Variants in SUCLG2 observed in about 807,000 individuals in gnomAD.
SUCLG2 encodes succinate--CoA ligase [GDP-forming] subunit beta, mitochondrial.
SUCLG2 carries 42 observed loss-of-function variants against 47.9 expected under a neutral mutation model. The observed-to-expected ratio is 0.88, with a 90% CI of 0.69 to 1.14. SUCLG2 has a LOEUF of 1.14. Among genes scored for constraint, SUCLG2 ranks in the 50% most tolerant of loss-of-function variants. SUCLG2 has a pLI of 0.00. For missense variants in SUCLG2, 571 were observed against 525.9 expected (o/e 1.09, Z -0.84); for synonymous variants, 195 against 197.3 (o/e 0.99, Z 0.10).
At chr3:67,615,545 T>A (rs1392753679) in intron 1 of SUCLG2, among the ~76,000 whole-genome samples, 1 of 150,430 alleles carries the variant, frequency 6.6e-6, no homozygotes, top group South Asian at 2.1e-4. Flanking sequence ...ATCAAGAAAA[T>A]AGAAACTCAA....
intron 2 of SUCLG2, among the ~76,000 whole-genome samples, chr3:67,594,986 C>T (rs940115078): frequency 4.6e-5 from 7 of 152,076 alleles, no homozygotes; most frequent in African/African-American, 1.7e-4. Context: ...AACGATACCC[C>T]CTCCCCACCA....
intron 9 of SUCLG2, among the ~76,000 whole-genome samples, chr3:67,435,272 T>G (rs1371558902): frequency 2.0e-5 from 3 of 152,160 alleles, no homozygotes; most frequent in African/African-American, 7.2e-5. Flanking sequence ...TATTTTCCTT[T>G]TGAACAAAAC....
At chr3:67,552,053 G>A (rs762134720) in intron 2 of SUCLG2, among the ~76,000 whole-genome samples, 3 of 151,390 alleles carry the variant, frequency 2.0e-5, no homozygotes, top group African/African-American at 2.4e-5. Flanking sequence ...AAGAAGCCAC[G>A]CCACCCAGTA....
chr3:67,578,663 G>A (rs868074898), intron 2 of SUCLG2, among the ~76,000 whole-genome samples: 2 of 152,148 alleles, frequency 1.3e-5, no homozygotes, highest in Middle Eastern at 3.2e-3. Flanking sequence ...GGAGATGGGT[G>A]TCTCTAGAGA....
At chr3:67,467,165 T>G (rs538786650) in intron 9 of SUCLG2, among the ~76,000 whole-genome samples, 2 of 152,316 alleles carry the variant, frequency 1.3e-5, no homozygotes, top group East Asian at 3.9e-4. Flanking sequence ...TCTCTACAAC[T>G]TTGTGTTTTC....
chr3:67,564,317 CT>C lies in SUCLG2; in HGVS notation c.227-35132del, dbSNP rs763242405. Among the ~76,000 whole-genome samples the C allele has an allele frequency of 3.7e-3, 557 of 152,174 alleles. 4 individuals are homozygous for C. The highest frequency in any genetic ancestry group is 0.01 in the Middle Eastern group (3 of 294). The stretch of plus-strand genomic sequence containing the variant: ...CTACAGGGCTCACTAGCTTTCCCCC[CT>C]CCCCTCGCTATTAATAGTACTCACT... On this transcript the variant is annotated intron_variant, in intron 2 of 10. Coordinates refer to ENST00000307227, the MANE Select transcript of SUCLG2 (RefSeq NM_003848.4).
At chr3:67,380,549 T>C (rs745352295) in intron 10 of SUCLG2, among the ~76,000 whole-genome samples, 13 of 152,200 alleles carry the variant, frequency 8.5e-5, no homozygotes, top group Non-Finnish European at 1.5e-4. Context: ...ATTAAGCATA[T>C]ACTAGGCATG....
chr3:67,531,422 T>C (rs140974793), intron 2 of SUCLG2, among the ~76,000 whole-genome samples: 239 of 152,332 alleles, frequency 1.6e-3, no homozygotes, highest in Non-Finnish European at 3.0e-3. Context: ...TAATTGGGCA[T>C]TGTTAATTGG....
In SUCLG2 at chr3:67,495,846, C is replaced by T; in HGVS notation, c.1014G>A (p.Lys338=). The T allele has an allele frequency of 6.2e-7, 1 of 1,614,010 alleles. No homozygotes were observed. Among genetic ancestry groups the T allele is most frequent in the Non-Finnish European group, 8.5e-7 (1 of 1,179,968 alleles). ...ANFLDLGGGV[K]EAQVYQAFKL... is the part of the protein sequence containing the mutation. Reference sequence around the variant, plus strand: ...TGAATGCTTGATATACTTGAGCTTCCTTTACACCACCTCCAAGATCCAAGA... The same window carrying T: ...TGAATGCTTGATATACTTGAGCTTCTTTTACACCACCTCCAAGATCCAAGA... The change falls in exon 9 of 11, where the codon AAG becomes AAA. Residue 338 remains lysine, a synonymous_variant. Coordinates refer to ENST00000307227, the MANE Select transcript of SUCLG2 (RefSeq NM_003848.4).
intron 2 of SUCLG2, among the ~76,000 whole-genome samples, chr3:67,565,592 G>A (rs2107225317): frequency 6.6e-6 from 1 of 152,308 alleles, no homozygotes; most frequent in East Asian, 1.9e-4. Context: ...CCCCTGAGAA[G>A]CATTTCTGAC....
At chr3:67,483,236 TAAAAA>T (rs557606439) in intron 9 of SUCLG2, among the ~76,000 whole-genome samples, 1 of 146,516 alleles carries the variant, frequency 6.8e-6, no homozygotes, top group Admixed American at 6.8e-5. Flanking sequence ...GGACAAAACT[TAAAAA>T]AAAAAAATCT....
intron 9 of SUCLG2, among the ~76,000 whole-genome samples, chr3:67,437,449 C>G (rs769327944): frequency 1.3e-5 from 2 of 152,142 alleles, no homozygotes; most frequent in Non-Finnish European, 2.9e-5. Flanking sequence ...AGCTTTTTAA[C>G]GTACCAGATA....
intron 7 of SUCLG2, among the ~76,000 whole-genome samples, chr3:67,505,625 GCACT>G (rs1035590730): frequency 3.9e-5 from 6 of 152,098 alleles, no homozygotes; most frequent in African/African-American, 1.4e-4. Flanking sequence ...ATTAAAAATA[GCACT>G]CACTGACCAA....
intron 2 of SUCLG2, among the ~76,000 whole-genome samples, chr3:67,569,520 T>G (rs1707555120): frequency 6.6e-6 from 1 of 152,348 alleles, no homozygotes; most frequent in Middle Eastern, 3.4e-3. Flanking sequence ...AGGCAGAGCA[T>G]CATGGAAACA....
intron 2 of SUCLG2, among the ~76,000 whole-genome samples, chr3:67,536,384 C>A (rs546179572): frequency 6.6e-6 from 1 of 152,328 alleles, no homozygotes; most frequent in South Asian, 2.1e-4. Context: ...TTATTTAAAT[C>A]TGTTCCTCTC....
chr3:67,431,205 T>A (rs1489180362), intron 9 of SUCLG2, among the ~76,000 whole-genome samples: 2 of 152,090 alleles, frequency 1.3e-5, no homozygotes, highest in Admixed American at 6.5e-5. Context: ...AAATCCTCAA[T>A]AAAATACTGG....
At chr3:67,408,277 G>T (rs545641653) in intron 9 of SUCLG2, among the ~76,000 whole-genome samples, 1 of 152,258 alleles carries the variant, frequency 6.6e-6, no homozygotes, top group African/African-American at 2.4e-5. Context: ...AAACTGACAT[G>T]TGAAAAACAG....
intron 10 of SUCLG2, among the ~76,000 whole-genome samples, chr3:67,387,787 T>G (rs544727085): frequency 3.5e-4 from 54 of 152,306 alleles, no homozygotes; most frequent in Middle Eastern, 6.8e-3. Context: ...CTAAATTTGT[T>G]AGATGATCAG....
At chr3:67,391,953 G>C (rs935621974) in intron 10 of SUCLG2, among the ~76,000 whole-genome samples, 1 of 152,164 alleles carries the variant, frequency 6.6e-6, no homozygotes, top group Admixed American at 6.5e-5. Context: ...CCCACAGCCT[G>C]TCTGAGGTCG....
Sources: gnomAD v4.1 joint callset for allele counts (sites outside exome capture counted in the v4.1 genomes callset) on GRCh38, gnomAD v4.1.1 for gene constraint, MANE v1.5 for transcripts, NCBI Gene and HGNC (gene_info 2026-07-23, HGNC 2026-07-21) for gene names.